TRIM37: variants seen among roughly 807,000 people sequenced by gnomAD.
TRIM37 encodes tripartite motif containing 37, also known as E3 ubiquitin-protein ligase TRIM37.
In TRIM37, 80 loss-of-function variants were observed where a neutral mutation model predicts 129.8. The ratio of observed to expected loss-of-function variants is 0.62; its 90% CI spans 0.51 to 0.74. The LOEUF is 0.74. Ranked by LOEUF, TRIM37 falls within the 30% of genes least tolerant of loss-of-function variation. The probability of loss-of-function intolerance (pLI) is 0.00; values close to 1 mark genes in which losing one functional copy is unlikely to be tolerated. For synonymous variants in TRIM37, 389 were observed against 387.1 expected, an observed-to-expected ratio of 1.00 and a Z score of -0.06; for missense variants, 1,054 against 1,176.5, an observed-to-expected ratio of 0.90 and a Z score of 1.52.
downstream of TRIM37, among the ~76,000 whole-genome samples, chr17:58,996,807 T>C (rs2033058407): frequency 6.6e-6 from 1 of 150,442 alleles, no homozygotes. Flanking sequence ...TGTGTGTGTG[T>C]GTGTGTGTGT....
At position 59,049,191 on chromosome 17, in the gene TRIM37, T is replaced by C. The variant is rs77807605; in HGVS notation, c.1517A>G (p.Asn506Ser). 1.9e-6 allele frequency: 3 copies of C among 1,614,106 alleles called. No individual in the cohort carries two copies. Among genetic ancestry groups the C allele is most frequent in the South Asian group, 2.2e-5 (2 of 91,090 alleles). ...EDEEDEEKIQ[N>S]EDYHHELSDG... ...CCTCATTATTACATGATAATCTTCA[T>C]TCTGAATCTTCTCCTCATCTTCTTC... Residue 506 changes from asparagine (N) to serine (S), a missense_variant, in exon 15 of 24, where the codon AAT becomes AGT. This residue lies in a region of TRIM37 where 752 missense variants were observed against 870.8 expected (regional missense o/e 0.86). Transcript: ENST00000262294.
chr17:58,989,615 C>A (rs2032158625), intron 24 of TRIM37, among the ~76,000 whole-genome samples: 1 of 151,804 alleles, frequency 6.6e-6, no homozygotes, highest in Non-Finnish European at 1.5e-5. Context: ...AATCAGTAGG[C>A]TCTAAACTGC....
rs2036061190 is a variant in TRIM37 at position 59,017,252 on chromosome 17, A to G, written c.2386+44T>C. ...CGATAACATCAATTTCAGGTAATAA[A>G]TATTTACCCCACTAAAAGTACATTC... is the stretch of plus-strand genomic sequence containing the variant. On this transcript the variant is annotated intron_variant, in intron 20 of 23. Coordinates refer to ENST00000262294, the MANE Select transcript of TRIM37 (RefSeq NM_015294.6). The G allele has an allele frequency of 4.4e-6, 7 of 1,601,294 alleles. No individual in the cohort carries two copies. In the South Asian group the frequency reaches 7.7e-5, roughly 18 times the overall value.
At chr17:58,974,145 A>C in the TRIM37 span, among the ~76,000 whole-genome samples, 1 of 152,004 alleles carries the variant, frequency 6.6e-6, no homozygotes, top group South Asian at 2.1e-4. Context: ...AAAACAAAAA[A>C]TCATAGTGTT....
chr17:59,025,514 T>A (rs2037151786), intron 19 of TRIM37, among the ~76,000 whole-genome samples: 1 of 151,910 alleles, frequency 6.6e-6, no homozygotes, highest in African/African-American at 2.4e-5. Context: ...GAAAAAAAGG[T>A]GGCAATGGGG....
At chr17:58,994,370 A>G (rs978745598), downstream of TRIM37, among the ~76,000 whole-genome samples, 1 of 152,208 alleles carries the variant, frequency 6.6e-6, no homozygotes, top group African/African-American at 2.4e-5. Flanking sequence ...AAATAGCACA[A>G]TAATTTACAT....
At position 59,090,688 on chromosome 17, in the gene TRIM37, C is replaced by T. The variant is rs116059386; in HGVS notation, c.164+612G>A. Among the ~76,000 whole-genome samples the T allele has an allele frequency of 6.6e-3, 1,002 of 152,134 alleles. 7 individuals are homozygous for T. Among genetic ancestry groups the T allele is most frequent in the African/African-American group, 0.023 (938 of 41,524 alleles). On this transcript the variant is annotated intron_variant, in intron 3 of 23. Coordinates refer to ENST00000262294, the MANE Select transcript of TRIM37 (RefSeq NM_015294.6). ...TGACCTTGGCTCAAGTGCAGCAGTA[C>T]GATCTCAGCTCACTCCAACCTCCAC... is the stretch of plus-strand genomic sequence containing the variant.
At chr17:58,980,749 C>T, downstream of TRIM37, 1 of 1,614,132 alleles carries the variant, frequency 6.2e-7, no homozygotes, top group Non-Finnish European at 8.5e-7. The surrounding 1 kb of genome is among the most constrained non-coding windows in gnomAD (Gnocchi z 4.7). Flanking sequence ...CCCCGGGAAA[C>T]AGAGTTTCTA....
chr17:59,012,200 T>A lies in TRIM37; in HGVS notation c.2695+128A>T. 6.4e-6 allele frequency: 3 copies of A among 466,900 alleles called. No homozygotes were observed. In the East Asian group the frequency reaches 1.2e-4, roughly 19 times the overall value. 28.9% of individuals were successfully genotyped at this position (466,900 alleles called of 1,614,324 possible). ...TTTCCATTAAACCAACCACTCCCTA[T>A]CCCTATCACTACCACCAGCAGCAGC... On this transcript the variant is annotated intron_variant, in intron 22 of 23. Coordinates refer to ENST00000262294, the MANE Select transcript of TRIM37 (RefSeq NM_015294.6).
Position 58,999,259 on chromosome 17 carries a change from C to T in TRIM37, c.*118G>A, listed in dbSNP as rs748610821. 38 of 1,599,278 alleles carry T rather than the reference C, an allele frequency of 2.4e-5. No homozygotes were observed. Among genetic ancestry groups the T allele is most frequent in the Middle Eastern group, 1.7e-4 (1 of 6,030 alleles). Reference sequence around the variant, plus strand: ...CAGTTTCCAAATTACTATTTCAGGTCGAGATAATGAAGAAATAAGACCAAA... The same window carrying T: ...CAGTTTCCAAATTACTATTTCAGGTTGAGATAATGAAGAAATAAGACCAAA... On this transcript the variant is annotated 3_prime_UTR_variant, in exon 24 of 24. Transcript: ENST00000262294.
chr17:59,042,433 A>T (rs1247856554), intron 16 of TRIM37, among the ~76,000 whole-genome samples: 11 of 65,944 alleles, frequency 1.7e-4, no homozygotes, highest in Non-Finnish European at 2.7e-4. Context: ...AAGGAATTTA[A>T]AAAAAAAAAA....
At chr17:59,017,204 G>GC in intron 20 of TRIM37, 92 bp downstream of exon 20, 2 of 1,488,424 alleles carry the variant, frequency 1.3e-6, no homozygotes. Flanking sequence ...CATTTTTGGT[G>GC]CCCTTCAAGA....
chr17:59,000,742 T>C (rs1026358805), intron 23 of TRIM37, among the ~76,000 whole-genome samples: 1 of 152,214 alleles, frequency 6.6e-6, no homozygotes, highest in Non-Finnish European at 1.5e-5. Context: ...TCTGCATGTA[T>C]TTCTAAGTTA....
intron 20 of TRIM37, 83 bp downstream of exon 20, chr17:59,017,213 G>T: frequency 6.5e-7 from 1 of 1,539,706 alleles, no homozygotes; most frequent in Non-Finnish European, 9.0e-7. Flanking sequence ...TGCCCTTCAA[G>T]ATCTAAAGCT....
chr17:59,105,846 A>G (rs2147742936), intron 1 of TRIM37, among the ~76,000 whole-genome samples: 1 of 152,352 alleles, frequency 6.6e-6, no homozygotes, highest in African/African-American at 2.4e-5. Flanking sequence ...ATGATTACAC[A>G]ATTATGTTCA....
At chr17:59,052,712 T>A (rs2040462324) in intron 13 of TRIM37, among the ~76,000 whole-genome samples, 1 of 152,100 alleles carries the variant, frequency 6.6e-6, no homozygotes. Flanking sequence ...CTTAGCACTT[T>A]GGGAGGCCGA....
chr17:59,064,278 T>C, intron 10 of TRIM37, 77 bp downstream of exon 10: 1 of 1,112,582 alleles, frequency 9.0e-7, no homozygotes, highest in Non-Finnish European at 1.3e-6. Flanking sequence ...ACTAGATTAC[T>C]GTCTTACCAA....
In TRIM37 at chr17:59,075,643, T is replaced by C; in HGVS notation, c.684+4A>G. 1 of 1,591,412 alleles carries C rather than the reference T, an allele frequency of 6.3e-7. No homozygotes were observed. The highest frequency in any genetic ancestry group is 8.6e-7 in the Non-Finnish European group (1 of 1,162,460). On this transcript the variant is annotated splice_donor_region_variant and intron_variant, in intron 8 of 23. Transcript: ENST00000262294. ...CTATTTCATTACATTTAATATTTCA[T>C]CACCTGGTGCTCCACCTCCTGAAGT...
chr17:58,974,593 A>T, the TRIM37 span, among the ~76,000 whole-genome samples: 3 of 152,138 alleles, frequency 2.0e-5, no homozygotes, highest in Non-Finnish European at 4.4e-5. Flanking sequence ...CTGTTTTTTT[A>T]AAAAAGAATA....
Sources: gnomAD v4.1 joint callset for allele counts (sites outside exome capture counted in the v4.1 genomes callset) on GRCh38, gnomAD v4.1.1 for gene constraint, gnomAD v4.1.1 regional missense constraint, Gnocchi (gnomAD v3.1) non-coding constraint, MANE v1.5 for transcripts, NCBI Gene and HGNC (gene_info 2026-07-23, HGNC 2026-07-21) for gene names.